The following SBK1 variants were observed in gnomAD, a reference collection of about 807,000 sequenced individuals.
SBK1 encodes serine/threonine-protein kinase SBK1.
A neutral mutation model predicts 24.4 loss-of-function variants in SBK1; 11 were observed. That is an observed-to-expected ratio of 0.45 (90% confidence interval 0.28 to 0.75). The LOEUF is 0.75. Among genes scored for constraint, SBK1 ranks in the 30% least tolerant of loss-of-function variants. The pLI is 0.12. For missense variants in SBK1, 467 were observed against 620.5 expected, an observed-to-expected ratio of 0.75 and a Z score of 2.63; for synonymous variants, 308 against 284.4, an observed-to-expected ratio of 1.08 and a Z score of -0.83.
In SBK1 at chr16:28,317,504, C is replaced by A. The variant is rs914479664; in HGVS notation, c.113C>A (p.Ala38Asp). ...GVPLLTEDMQ[A>D]LTLRTLAASD... ...CCCCTTCTCACTGAAGACATGCAGG[C>A]CCTGACTCTCCGCACACTGGCCGCC... The change falls in exon 2 of 4, where the codon GCC becomes GAC. Residue 38 changes from alanine to aspartate, a missense_variant. Transcript: ENST00000341901. This position sits in a 1 kb window ranked among gnomAD's most constrained non-coding sequence, Gnocchi z 4.2. The A allele has an allele frequency of 3.0e-5, 48 of 1,614,062 alleles. No individual in the cohort carries two copies. The highest frequency in any genetic ancestry group is 3.9e-5 in the Non-Finnish European group (46 of 1,180,034).
Position 28,319,634 on chromosome 16 carries a change from C to CT in SBK1, c.429+439dup, listed in dbSNP as rs1299763567. 2.1e-5 allele frequency among the ~76,000 whole-genome samples: 3 copies of CT among 146,058 alleles called. No individual in the cohort carries two copies. The highest frequency in any genetic ancestry group is 3.1e-5 in the Non-Finnish European group (2 of 63,666). On this transcript the variant is annotated intron_variant, in intron 3 of 3. Coordinates refer to ENST00000341901, the MANE Select transcript of SBK1 (RefSeq NM_001024401.3). This position sits in a 1 kb window ranked among gnomAD's most constrained non-coding sequence, Gnocchi z 4.0. Reference sequence around the variant, plus strand: ...GATGAGACCTTCGGAGCAGGTCCTCCTTCTTTGCTGAGCACCTACTACATG... The same window carrying CT: ...GATGAGACCTTCGGAGCAGGTCCTCCTTTCTTTGCTGAGCACCTACTACATG...
At chr16:28,274,736 A>G (rs995727771) in intron 1 of SBK1, among the ~76,000 whole-genome samples, 3 of 152,196 alleles carry the variant, frequency 2.0e-5, no homozygotes, top group Non-Finnish European at 2.9e-5. Flanking sequence ...TTGAAAAAAA[A>G]AGAAAGGAAT....
At position 28,259,599 on chromosome 16, in the gene SBK1, T is replaced by A. The variant is rs2044384450; in HGVS notation, c.257+97T>A. 1 of 197,800 alleles carries A rather than the reference T, an allele frequency of 5.1e-6. No homozygotes were observed. Among genetic ancestry groups the A allele is most frequent in the Non-Finnish European group, 9.1e-6 (1 of 109,830 alleles). 12.3% of individuals were successfully genotyped at this position (197,800 alleles called of 1,614,324 possible). On this transcript the variant is annotated intron_variant, in intron 1 of 3. Transcript: ENST00000671413. The surrounding 1 kb of genome is among the most constrained non-coding windows in gnomAD (Gnocchi z 6.0). The stretch of plus-strand genomic sequence containing the variant: ...CTGGCAGTCTTGCTTCAAGTCAATC[T>A]CTCTCTGTCCACTGCTTACCACCCA...
At chr16:28,279,496 C>G (rs1356934846) in intron 1 of SBK1, among the ~76,000 whole-genome samples, 1 of 151,470 alleles carries the variant, frequency 6.6e-6, no homozygotes, top group African/African-American at 2.4e-5. Flanking sequence ...TGTTTCTGCT[C>G]TCAGAAATAA....
At chr16:28,264,349 G>A (rs4787448) in intron 1 of SBK1, among the ~76,000 whole-genome samples, 8,341 of 151,894 alleles carry the variant, frequency 0.055, 511 homozygotes, top group Admixed American at 0.19. Flanking sequence ...AGAGGCGGGC[G>A]GATCACTTGA....
intron 1 of SBK1, among the ~76,000 whole-genome samples, chr16:28,283,512 C>A (rs750498256): frequency 5.3e-5 from 8 of 152,176 alleles, no homozygotes. Context: ...CATAGAAAGA[C>A]AGCTTCTATC....
chr16:28,261,859 C>G (rs968454908), intron 1 of SBK1, among the ~76,000 whole-genome samples: 2 of 152,156 alleles, frequency 1.3e-5, no homozygotes, highest in African/African-American at 4.8e-5. Context: ...GCCCCCTCAT[C>G]CCTCATCCCT....
rs1234843317 is a variant in SBK1 at position 28,322,726 on chromosome 16, C to T, written c.*1805C>T. On this transcript the variant is annotated 3_prime_UTR_variant, in exon 4 of 4. Transcript: ENST00000341901. ...GGTAAGTAGCAAACCCCCACTCCCT[C>T]CAAGGACCAGGTCTCAGAGAAGGCC... 6.5e-6 allele frequency: 1 copy of T among 152,822 alleles called. No homozygotes were observed. Among genetic ancestry groups the T allele is most frequent in the African/African-American group, 2.4e-5 (1 of 41,436 alleles). The allele number at this position is 152,822 out of a possible 1,614,324, so 9.5% of individuals were successfully genotyped here.
In SBK1 at chr16:28,317,881, T is replaced by G. The variant is rs551690975; in HGVS notation, c.226+264T>G. Among the ~76,000 whole-genome samples the G allele has an allele frequency of 6.6e-6, 1 of 151,832 alleles. No individual in the cohort carries two copies. The highest frequency in any genetic ancestry group is 6.6e-5 in the Admixed American group (1 of 15,262). Reference sequence around the variant, plus strand: ...TGCTGTGGGGCCATCTGGGGTGACTTTGAGACAGCCAAGGGGCTGTGCCAG... The same window carrying G: ...TGCTGTGGGGCCATCTGGGGTGACTGTGAGACAGCCAAGGGGCTGTGCCAG... On this transcript the variant is annotated intron_variant, in intron 2 of 3. Transcript: ENST00000341901. This position sits in a 1 kb window ranked among gnomAD's most constrained non-coding sequence, Gnocchi z 4.2.
chr16:28,284,710 C>T (rs1027780800), intron 1 of SBK1, among the ~76,000 whole-genome samples: 8 of 152,208 alleles, frequency 5.3e-5, no homozygotes, highest in South Asian at 2.1e-4. Context: ...GAGGCCATGG[C>T]GAGTGGATCA....
At chr16:28,312,681 G>A (rs766821112) in intron 1 of SBK1, among the ~76,000 whole-genome samples, 3 of 152,212 alleles carry the variant, frequency 2.0e-5, no homozygotes, top group Non-Finnish European at 2.9e-5. Context: ...AAAGACAGTT[G>A]CTGGAGAGGA....
At chr16:28,314,878 C>G (rs2044781842) in intron 1 of SBK1, among the ~76,000 whole-genome samples, 1 of 152,096 alleles carries the variant, frequency 6.6e-6, no homozygotes, top group South Asian at 2.1e-4. Context: ...ACTTGGGAGG[C>G]TGAGGTGGGA....
At position 28,317,482 on chromosome 16, in the gene SBK1, C is replaced by T; in HGVS notation, c.91C>T (p.Leu31Phe). The change falls in exon 2 of 4, where the codon CTT becomes TTT. Residue 31 changes from leucine (L) to phenylalanine (F), a missense_variant. Transcript: ENST00000341901. This position sits in a 1 kb window ranked among gnomAD's most constrained non-coding sequence, Gnocchi z 4.2. ...TAPGPGAGVP[L>F]LTEDMQALTL... ...CCCTGGGCCTGGTGCCGGTGTGCCC[C>T]TTCTCACTGAAGACATGCAGGCCCT... 2 of 1,614,150 alleles carry T rather than the reference C, an allele frequency of 1.2e-6. No homozygotes were observed. The highest frequency in any genetic ancestry group is 1.7e-6 in the Non-Finnish European group (2 of 1,180,004).
chr16:28,277,638 G>A (rs2044502346), intron 1 of SBK1, among the ~76,000 whole-genome samples: 1 of 152,170 alleles, frequency 6.6e-6, no homozygotes, highest in Non-Finnish European at 1.5e-5. Context: ...CAGCCTGGGC[G>A]ACAGTGAGAC....
chr16:28,317,652 G>A lies in SBK1; in HGVS notation c.226+35G>A, dbSNP rs777445817. 2 of 1,464,022 alleles carry A rather than the reference G, an allele frequency of 1.4e-6. No homozygotes were observed. The highest frequency in any genetic ancestry group is 2.8e-5 in the African/African-American group (2 of 72,136). The allele number at this position is 1,464,022 out of a possible 1,614,324, so 90.7% of individuals were successfully genotyped here. A position where few individuals can be genotyped will look rare whatever the true frequency, so the allele number is the denominator to read the frequency against. On this transcript the variant is annotated intron_variant, in intron 2 of 3. Coordinates refer to ENST00000341901, the MANE Select transcript of SBK1 (RefSeq NM_001024401.3). This position sits in a 1 kb window ranked among gnomAD's most constrained non-coding sequence, Gnocchi z 4.2. ...TGCAGGGTGGCAGGGCTGAGAGGTT[G>A]GGGTGGGGCAGGGCTGGGAGGTCAG...
intron 1 of SBK1, among the ~76,000 whole-genome samples, chr16:28,276,957 C>T (rs1251540480): frequency 1.3e-5 from 2 of 152,090 alleles, no homozygotes; most frequent in Non-Finnish European, 2.9e-5. Flanking sequence ...AGCCACAGCT[C>T]CCGGGCGGTG....
At position 28,320,780 on chromosome 16, in the gene SBK1, GGTGCCGGTGCCA is replaced by G; in HGVS notation, c.1140_1151del (p.Val387_Pro390del). 7.1e-7 allele frequency: 1 copy of G among 1,405,890 alleles called. No homozygotes were observed. Among genetic ancestry groups the G allele is most frequent in the East Asian group, 3.8e-5 (1 of 26,514 alleles). The allele number at this position is 1,405,890 out of a possible 1,614,324, so 87.1% of individuals were successfully genotyped here. ...TCGGGTCGGTGCCCTTGCCCGTGCCGGTGCCGGTGCCAGTGCCCGTGCCGGTGCCTGTGCCCG... is the reference window on the plus strand; with the variant it reads ...TCGGGTCGGTGCCCTTGCCCGTGCCGGTGCCCGTGCCGGTGCCTGTGCCCG... On this transcript the variant is annotated inframe_deletion, in exon 4 of 4. Transcript: ENST00000341901. This position sits in a 1 kb window ranked among gnomAD's most constrained non-coding sequence, Gnocchi z 8.5.
At chr16:28,281,982 G>A (rs1567672677) in intron 1 of SBK1, among the ~76,000 whole-genome samples, 1 of 152,112 alleles carries the variant, frequency 6.6e-6, no homozygotes, top group Non-Finnish European at 1.5e-5. Context: ...CTCTGAGGGT[G>A]GAAGAAGCTG....
intron 1 of SBK1, among the ~76,000 whole-genome samples, chr16:28,316,506 G>A (rs1234154586): frequency 6.6e-6 from 1 of 151,980 alleles, no homozygotes; most frequent in African/African-American, 2.4e-5. Context: ...GGCTCATGCT[G>A]GTAATCCTAG....
Sources: allele counts gnomAD v4.1 joint callset (sites outside exome capture counted in the v4.1 genomes callset), GRCh38; gene constraint gnomAD v4.1.1; non-coding constraint Gnocchi (gnomAD v3.1); transcripts MANE v1.5; gene names NCBI Gene and HGNC (gene_info 2026-07-23, HGNC 2026-07-21).